The following ERC1 variants were observed in gnomAD, a reference collection of about 807,000 sequenced individuals.
The protein encoded by ERC1 is ELKS/RAB6-interacting/CAST family member 1, also known as RAB6 interacting protein 2.
Under a neutral mutation model 132.0 loss-of-function variants are expected in ERC1, and 56 were observed. The ratio of observed to expected loss-of-function variants is 0.42; its 90% CI spans 0.34 to 0.53. ERC1 has a LOEUF of 0.53. ERC1 is among the 20% of genes least tolerant of loss of function. ERC1 has a pLI of 0.03. For missense variants in ERC1, 1,202 were observed against 1,349.9 expected, an observed-to-expected ratio of 0.89 and a Z score of 1.72; for synonymous variants, 478 against 476.1, an observed-to-expected ratio of 1.00 and a Z score of -0.05.
At chr12:1,372,002 G>T (rs2087294386) in intron 16 of ERC1, 25 bp downstream of exon 16, 1 of 1,610,664 alleles carries the variant, frequency 6.2e-7, no homozygotes, top group Non-Finnish European at 8.5e-7. Context: ...CAGCAGGAGG[G>T]TCAGTGGGGC....
Position 1,081,525 on chromosome 12 carries a change from G to A in ERC1, c.670-1639G>A, listed in dbSNP as rs572660698. The stretch of plus-strand genomic sequence containing the variant: ...TTCTTGGTTCTAGTTTTAGTGGGCT[G>A]CAAGGATTGCTTTGAATGCCAGCTC... On this transcript the variant is annotated intron_variant, in intron 2 of 18. Coordinates refer to ENST00000360905, the MANE Select transcript of ERC1 (RefSeq NM_178040.4). Among the ~76,000 whole-genome samples, 3 of 152,280 alleles carry A rather than the reference G, an allele frequency of 2.0e-5. No homozygotes were observed. The South Asian group carries it at 6.2e-4, about 32-fold the overall frequency.
At chr12:1,276,563 T>C (rs886680859) in intron 14 of ERC1, among the ~76,000 whole-genome samples, 3 of 151,822 alleles carry the variant, frequency 2.0e-5, no homozygotes, top group Non-Finnish European at 2.9e-5. Context: ...ACTGCACTTG[T>C]ACTTAGTCCT....
At chr12:1,359,722 A>G (rs919623553) in intron 15 of ERC1, among the ~76,000 whole-genome samples, 5 of 152,216 alleles carry the variant, frequency 3.3e-5, no homozygotes, top group Admixed American at 6.5e-5. Flanking sequence ...TTGGGAGGGA[A>G]TAGTCAAACC....
intron 15 of ERC1, among the ~76,000 whole-genome samples, chr12:1,357,706 G>A (rs535635715): frequency 4.6e-5 from 7 of 152,298 alleles, no homozygotes; most frequent in African/African-American, 7.2e-5. Flanking sequence ...AACATGAAGC[G>A]TAAAGGACAT....
At chr12:1,424,837 AGATAGATG>A (rs1565410863) in intron 17 of ERC1, among the ~76,000 whole-genome samples, 1 of 93,650 alleles carries the variant, frequency 1.1e-5, no homozygotes, top group Non-Finnish European at 2.2e-5. Context: ...ATAGATAGAT[AGATAGATG>A]ATAGATAGAT....
chr12:1,303,471 C>CTAAAAA (rs1173001434), intron 15 of ERC1, among the ~76,000 whole-genome samples: 1 of 150,884 alleles, frequency 6.6e-6, no homozygotes, highest in African/African-American at 2.4e-5. Context: ...CCCGTCTCTA[C>CTAAAAA]TAAAAATACA....
chr12:1,082,911 T>C (rs1593184869), intron 2 of ERC1, among the ~76,000 whole-genome samples: 1 of 152,226 alleles, frequency 6.6e-6, no homozygotes, highest in Non-Finnish European at 1.5e-5. Context: ...AGTGTCTTTA[T>C]TGTAGTTTAT....
intron 1 of ERC1, among the ~76,000 whole-genome samples, chr12:1,023,015 G>T (rs976066431): frequency 1.3e-5 from 2 of 152,172 alleles, no homozygotes. Context: ...CTTCTGCCAT[G>T]ATTGTAAGCT....
At chr12:1,364,281 C>A (rs891252407) in intron 15 of ERC1, among the ~76,000 whole-genome samples, 3 of 152,196 alleles carry the variant, frequency 2.0e-5, no homozygotes, top group African/African-American at 7.2e-5. Flanking sequence ...TTTCCCCTTG[C>A]AGAATCTTCT....
intron 17 of ERC1, among the ~76,000 whole-genome samples, chr12:1,429,343 A>T (rs996148971): frequency 1.3e-5 from 2 of 152,214 alleles, no homozygotes; most frequent in African/African-American, 4.8e-5. Context: ...CACTATTTAA[A>T]AATCTAGTAC....
At chr12:1,324,901 A>G (rs773239419) in intron 15 of ERC1, among the ~76,000 whole-genome samples, 3 of 152,188 alleles carry the variant, frequency 2.0e-5, no homozygotes, top group Non-Finnish European at 4.4e-5. Flanking sequence ...CCCACCTCAC[A>G]TGGGCAGTCG....
intron 15 of ERC1, among the ~76,000 whole-genome samples, chr12:1,305,016 C>CT (rs558029987): frequency 0.034 from 5,194 of 151,812 alleles, 100 homozygotes; most frequent in Middle Eastern, 0.075. Context: ...TCTCGATCTC[C>CT]GGATCCACCC....
At chr12:1,074,358 A>G (rs1333241459) in intron 2 of ERC1, among the ~76,000 whole-genome samples, 1 of 151,826 alleles carries the variant, frequency 6.6e-6, no homozygotes, top group African/African-American at 2.4e-5. Flanking sequence ...CCCAGGCTGG[A>G]GTGCAGTGGC....
intron 10 of ERC1, among the ~76,000 whole-genome samples, chr12:1,182,353 A>T (rs1954573475): frequency 6.6e-6 from 1 of 152,226 alleles, no homozygotes; most frequent in South Asian, 2.1e-4. Context: ...CATTTGGAGA[A>T]ATAGTGTGCT....
intron 13 of ERC1, among the ~76,000 whole-genome samples, chr12:1,249,841 G>A (rs906537465): frequency 1.3e-5 from 2 of 152,178 alleles, no homozygotes; most frequent in African/African-American, 2.4e-5. Context: ...TTCATAGGTA[G>A]CACCTTCTTG....
intron 3 of ERC1, among the ~76,000 whole-genome samples, chr12:1,095,149 C>T (rs1943848179): frequency 6.6e-6 from 1 of 152,002 alleles, no homozygotes; most frequent in South Asian, 2.1e-4. Flanking sequence ...AATTTTGTTT[C>T]TCAGGCGTGG....
intron 15 of ERC1, among the ~76,000 whole-genome samples, chr12:1,330,365 A>G (rs929313513): frequency 1.2e-4 from 18 of 152,084 alleles, no homozygotes; most frequent in African/African-American, 3.4e-4. Context: ...GTTATTTTTT[A>G]TTGACTCCTT....
chr12:1,186,209 A>G lies in ERC1; in HGVS notation c.2157+2788A>G, dbSNP rs1292380171. 4.6e-5 allele frequency among the ~76,000 whole-genome samples: 7 copies of G among 152,212 alleles called. No homozygotes were observed. The East Asian group carries it at 1.3e-3, about 29-fold the overall frequency. ...TTTTGAAACCATTTTAAGGGACTAAATATGTTTTGTTGCTTATTGAATAAG... is the reference window on the plus strand; with the variant it reads ...TTTTGAAACCATTTTAAGGGACTAAGTATGTTTTGTTGCTTATTGAATAAG... On this transcript the variant is annotated intron_variant, in intron 11 of 18. Transcript: ENST00000360905.
chr12:1,349,661 A>G (rs756430751), intron 15 of ERC1, among the ~76,000 whole-genome samples: 3 of 86,426 alleles, frequency 3.5e-5, no homozygotes, highest in Non-Finnish European at 6.3e-5. Flanking sequence ...GAGACCGTCT[A>G]AAAAAAAAAA....
Sources: allele counts gnomAD v4.1 joint callset (sites outside exome capture counted in the v4.1 genomes callset), GRCh38; gene constraint gnomAD v4.1.1; transcripts MANE v1.5; gene names NCBI Gene and HGNC (gene_info 2026-07-23, HGNC 2026-07-21).